The following DTNA variants were observed in gnomAD, a reference collection of about 807,000 sequenced individuals.
DTNA encodes the protein dystrobrevin alpha.
A neutral mutation model predicts 100.7 loss-of-function variants in DTNA; 43 were observed. The ratio of observed to expected loss-of-function variants is 0.43; its 90% CI spans 0.33 to 0.55. DTNA has a LOEUF of 0.55. DTNA is among the 20% of genes least tolerant of loss of function. The probability of loss-of-function intolerance (pLI) is 0.04; values close to 1 mark genes in which losing one functional copy is unlikely to be tolerated. For synonymous variants in DTNA, 349 were observed against 347.9 expected (o/e 1.00, Z -0.04); for missense variants, 798 against 953.9 (o/e 0.84, Z 2.15).
intron 1 of DTNA, among the ~76,000 whole-genome samples, chr18:34,497,163 G>GT (rs949300954): frequency 6.6e-6 from 1 of 152,204 alleles, no homozygotes; most frequent in Admixed American, 6.5e-5. Context: ...GGTTTGGGAG[G>GT]TTTTTTTGTT....
chr18:34,645,643 AGAG>A (rs1393730291), intron 1 of DTNA, among the ~76,000 whole-genome samples: 2 of 152,126 alleles, frequency 1.3e-5, no homozygotes, highest in African/African-American at 4.8e-5. Context: ...GATGAAATGG[AGAG>A]GGGTTCCTTG....
intron 1 of DTNA, among the ~76,000 whole-genome samples, chr18:34,732,360 A>T (rs2088485975): frequency 6.6e-6 from 1 of 152,198 alleles, no homozygotes; most frequent in South Asian, 2.1e-4. Flanking sequence ...ACTCATTCTT[A>T]TACAGCAGAG....
chr18:34,564,567 G>C (rs969567456), intron 1 of DTNA, among the ~76,000 whole-genome samples: 1 of 152,196 alleles, frequency 6.6e-6, no homozygotes, highest in African/African-American at 2.4e-5. Context: ...TTTCATTGTG[G>C]AGAAATAAAG....
At chr18:34,784,547 T>TA (rs1282948298) in intron 3 of DTNA, among the ~76,000 whole-genome samples, 1 of 152,332 alleles carries the variant, frequency 6.6e-6, no homozygotes, top group East Asian at 1.9e-4. Context: ...AATCTTTACA[T>TA]AGTTTCCAGC....
chr18:34,593,969 G>A (rs2050065240), intron 1 of DTNA, among the ~76,000 whole-genome samples: 1 of 152,146 alleles, frequency 6.6e-6, no homozygotes, highest in Non-Finnish European at 1.5e-5. Context: ...AAGGAAAAAG[G>A]AGAGGAAAGG....
At chr18:34,884,583 A>T (rs1231669130) in intron 21 of DTNA, 145 bp from the exon 22 acceptor site, 1 of 905,144 alleles carries the variant, frequency 1.1e-6, no homozygotes, top group African/African-American at 1.6e-5. Context: ...CGGTTGTTGG[A>T]TGGATTGGAA....
At position 34,888,022 on chromosome 18, in the gene DTNA, A is replaced by G; in HGVS notation, c.*288A>G. 8.1e-6 allele frequency: 8 copies of G among 985,890 alleles called. No individual in the cohort carries two copies. The highest frequency in any genetic ancestry group is 9.6e-6 in the Non-Finnish European group (8 of 829,956). The allele number at this position is 985,890 out of a possible 1,614,324, so 61.1% of individuals were successfully genotyped here. On this transcript the variant is annotated 3_prime_UTR_variant, in exon 23 of 23. Transcript: ENST00000444659. ...GAAGGAAAAAAAAAGACTTCTGTTC[A>G]AAGTTAACTTATCAGCTACATCCTC...
At chr18:34,766,849 A>T (rs2093501965) in intron 3 of DTNA, among the ~76,000 whole-genome samples, 1 of 152,120 alleles carries the variant, frequency 6.6e-6, no homozygotes, top group South Asian at 2.1e-4. Context: ...AGTTTTAACC[A>T]CATTTGTTTA....
intron 1 of DTNA, among the ~76,000 whole-genome samples, chr18:34,729,828 C>G (rs1568341450): frequency 1.3e-5 from 2 of 151,832 alleles, no homozygotes; most frequent in African/African-American, 4.8e-5. Context: ...TGGCAGTTCC[C>G]CAACCAAAGC....
At chr18:34,607,588 G>GT (rs1337676748) in intron 1 of DTNA, among the ~76,000 whole-genome samples, 1 of 152,152 alleles carries the variant, frequency 6.6e-6, no homozygotes, top group Non-Finnish European at 1.5e-5. Flanking sequence ...TTTTCTCATA[G>GT]TTTCAGCCCT....
At chr18:34,661,767 G>C (rs1306544858) in intron 1 of DTNA, among the ~76,000 whole-genome samples, 2 of 152,150 alleles carry the variant, frequency 1.3e-5, no homozygotes, top group African/African-American at 2.4e-5. Flanking sequence ...AAGTGCAGAG[G>C]ATAATGGTCA....
At chr18:34,496,056 T>C (rs770661227) in intron 1 of DTNA, among the ~76,000 whole-genome samples, 1 of 152,184 alleles carries the variant, frequency 6.6e-6, no homozygotes, top group African/African-American at 2.4e-5. Flanking sequence ...TTCACTTTAA[T>C]TAAATTCAAT....
At chr18:34,768,385 G>A (rs2093600501) in intron 3 of DTNA, among the ~76,000 whole-genome samples, 1 of 152,126 alleles carries the variant, frequency 6.6e-6, no homozygotes, top group Non-Finnish European at 1.5e-5. Context: ...AGGGCTCAGG[G>A]AATCAGGGAC....
chr18:34,528,290 C>CA (rs1359113729), intron 1 of DTNA, among the ~76,000 whole-genome samples: 1 of 152,078 alleles, frequency 6.6e-6, no homozygotes, highest in East Asian at 1.9e-4. Context: ...AGAATAACTT[C>CA]ATGGCTTGGA....
At position 34,513,795 on chromosome 18, in the gene DTNA, G is replaced by T. The variant is rs73424159; in HGVS notation, c.-2+20281G>T. 224 of 152,274 alleles carry T rather than the reference G, an allele frequency of 1.5e-3. 1 individual carries two copies. The highest frequency in any genetic ancestry group is 5.1e-3 in the African/African-American group (212 of 41,566). 9.4% of individuals were successfully genotyped at this position (152,274 alleles called of 1,614,324 possible). ...AAGCAAGAAGGCTATGAGGAGATAT[G>T]TGACAACATTTTAGTGGCTTTCTTG... is the stretch of plus-strand genomic sequence containing the variant. On this transcript the variant is annotated intron_variant, in intron 1 of 19. Transcript: ENST00000283365.
chr18:34,618,434 CAGAT>C (rs2055776750), intron 1 of DTNA, among the ~76,000 whole-genome samples: 2 of 152,210 alleles, frequency 1.3e-5, no homozygotes, highest in South Asian at 4.1e-4. Flanking sequence ...AACATGGTAT[CAGAT>C]AGTTCTCTAT....
At chr18:34,795,031 A>C (rs894949930) in intron 4 of DTNA, among the ~76,000 whole-genome samples, 12 of 152,338 alleles carry the variant, frequency 7.9e-5, no homozygotes, top group African/African-American at 2.6e-4. Context: ...TTCTCAGCCT[A>C]CAATTTCAAG....
chr18:34,647,989 G>A (rs1197330765), intron 1 of DTNA, among the ~76,000 whole-genome samples: 5 of 152,158 alleles, frequency 3.3e-5, no homozygotes, highest in Non-Finnish European at 5.9e-5. Context: ...TGGCAATCAG[G>A]GAAGGTCTTT....
intron 19 of DTNA, among the ~76,000 whole-genome samples, 177 bp from the exon 20 acceptor site, chr18:34,879,374 G>A (rs1353882804): frequency 6.6e-6 from 1 of 152,098 alleles, no homozygotes; most frequent in Non-Finnish European, 1.5e-5. Flanking sequence ...TGATTTTATA[G>A]TAATTCATGT....
Sources: gnomAD v4.1 joint callset for allele counts (sites outside exome capture counted in the v4.1 genomes callset) on GRCh38, gnomAD v4.1.1 for gene constraint, MANE v1.5 for transcripts, NCBI Gene and HGNC (gene_info 2026-07-23, HGNC 2026-07-21) for gene names.